GABRB1: variants seen among roughly 807,000 people sequenced by gnomAD.
GABRB1 encodes the protein gamma-aminobutyric acid type A receptor subunit beta1.
In GABRB1, 17 loss-of-function variants were observed where a neutral mutation model predicts 51.6. The observed-to-expected ratio is 0.33, with a 90% CI of 0.23 to 0.49. The LOEUF is 0.49. Among genes scored for constraint, GABRB1 ranks in the 20% least tolerant of loss-of-function variants. The pLI, the probability that GABRB1 is intolerant of heterozygous loss-of-function variation, is 0.99. For missense variants in GABRB1, 410 were observed against 600.6 expected (o/e 0.68, Z 3.32); for synonymous variants, 247 against 218.9 (o/e 1.13, Z -1.14).
chr4:47,338,980 G>A (rs1183340676), intron 5 of GABRB1, among the ~76,000 whole-genome samples: 3 of 152,090 alleles, frequency 2.0e-5, no homozygotes, highest in Non-Finnish European at 4.4e-5. Context: ...GAATCAAACA[G>A]AATGCTAAAA....
intron 4 of GABRB1, among the ~76,000 whole-genome samples, 200 bp downstream of exon 4, chr4:47,161,669 C>G (rs937111198): frequency 1.3e-5 from 2 of 152,024 alleles, no homozygotes; most frequent in Non-Finnish European, 2.9e-5. Flanking sequence ...TCAAAATTAA[C>G]TACCAGTTTT....
intron 4 of GABRB1, among the ~76,000 whole-genome samples, chr4:47,207,826 G>GTAAA (rs1432163921): frequency 6.6e-6 from 1 of 151,960 alleles, no homozygotes; most frequent in African/African-American, 2.4e-5. Flanking sequence ...GGTAACCTAT[G>GTAAA]TAAAGGCATA....
intron 1 of GABRB1, among the ~76,000 whole-genome samples, chr4:47,005,183 C>T (rs1724349775): frequency 6.6e-6 from 1 of 152,204 alleles, no homozygotes; most frequent in Non-Finnish European, 1.5e-5. Context: ...CTTTGGGAGG[C>T]CGAGGCGGGT....
At chr4:47,211,131 G>A (rs1307573401) in intron 4 of GABRB1, among the ~76,000 whole-genome samples, 1 of 152,076 alleles carries the variant, frequency 6.6e-6, no homozygotes, top group Non-Finnish European at 1.5e-5. Context: ...GAACCCACTT[G>A]CCTTTTTATA....
At chr4:47,033,172 T>G (rs1313172696) in intron 3 of GABRB1, among the ~76,000 whole-genome samples, 1 of 152,222 alleles carries the variant, frequency 6.6e-6, no homozygotes, top group Admixed American at 6.5e-5. Context: ...CACCTTACTC[T>G]AGAAACCTAA....
chr4:47,195,452 TAGATTAGATG>T (rs1719637550), intron 4 of GABRB1, among the ~76,000 whole-genome samples: 3 of 96,598 alleles, frequency 3.1e-5, no homozygotes, highest in Admixed American at 1.1e-4. Flanking sequence ...AGATGATAGA[TAGATTAGATG>T]ATAGATAGAT....
Position 47,161,269 on chromosome 4 carries a change from T to C in GABRB1, c.261T>C (p.Tyr87=), listed in dbSNP as rs776928687. The C allele has an allele frequency of 6.2e-7, 1 of 1,608,828 alleles. No homozygotes were observed. The highest frequency in any genetic ancestry group is 1.7e-5 in the Admixed American group (1 of 59,812). ...EVNMDYTLTM[Y]FQQSWKDKRL... is the part of the protein sequence containing the mutation. ...CACAGGATTATACACTCACCATGTA[T>C]TTCCAGCAGTCTTGGAAAGACAAAA... Residue 87 remains tyrosine (Y), a synonymous_variant, in exon 4 of 9, where the codon TAT becomes TAC. Coordinates refer to ENST00000295454, the MANE Select transcript of GABRB1 (RefSeq NM_000812.4).
chr4:47,325,071 C>G (rs373532703), intron 5 of GABRB1, among the ~76,000 whole-genome samples: 1 of 152,224 alleles, frequency 6.6e-6, no homozygotes, highest in Non-Finnish European at 1.5e-5. Flanking sequence ...TTGACTCCCT[C>G]TAACCCAATT....
At chr4:47,215,283 C>A (rs1720511571) in intron 4 of GABRB1, among the ~76,000 whole-genome samples, 1 of 152,056 alleles carries the variant, frequency 6.6e-6, no homozygotes, top group Non-Finnish European at 1.5e-5. Context: ...GTTTATATTG[C>A]TATTGAAAAT....
chr4:47,012,227 A>G (rs1724602583), intron 1 of GABRB1, among the ~76,000 whole-genome samples: 1 of 152,178 alleles, frequency 6.6e-6, no homozygotes, highest in African/African-American at 2.4e-5. Flanking sequence ...TCAGAAGTAC[A>G]TGTGCAGGTT....
At chr4:47,333,856 G>A (rs1725593880) in intron 5 of GABRB1, among the ~76,000 whole-genome samples, 1 of 152,184 alleles carries the variant, frequency 6.6e-6, no homozygotes. Flanking sequence ...GGTACTGGCT[G>A]TACTCATTTG....
intron 4 of GABRB1, among the ~76,000 whole-genome samples, chr4:47,167,512 G>A (rs937210599): frequency 2.6e-5 from 4 of 151,896 alleles, no homozygotes; most frequent in African/African-American, 7.3e-5. Flanking sequence ...TTTACCAGAC[G>A]TGAGCCCAGG....
At chr4:47,344,797 A>C (rs1347786727) in intron 5 of GABRB1, among the ~76,000 whole-genome samples, 1 of 151,868 alleles carries the variant, frequency 6.6e-6, no homozygotes, top group East Asian at 1.9e-4. Context: ...GTCTCAGCTC[A>C]CTCTAACCCC....
At chr4:47,159,918 C>T (rs1479314241) in intron 3 of GABRB1, among the ~76,000 whole-genome samples, 19 of 152,022 alleles carry the variant, frequency 1.2e-4, no homozygotes, top group Non-Finnish European at 2.9e-5. Flanking sequence ...CACAAAGTCA[C>T]TATTGCCATA....
intron 5 of GABRB1, among the ~76,000 whole-genome samples, chr4:47,385,337 C>G (rs776403896): frequency 5.9e-5 from 9 of 152,068 alleles, no homozygotes; most frequent in South Asian, 2.1e-4. Flanking sequence ...GAAGGTTGTA[C>G]CCAGATCTCA....
intron 4 of GABRB1, among the ~76,000 whole-genome samples, chr4:47,168,365 A>T (rs1272078055): frequency 6.6e-6 from 1 of 152,190 alleles, no homozygotes; most frequent in African/African-American, 2.4e-5. Flanking sequence ...CACACATTGC[A>T]TTTGGCTGCT....
intron 4 of GABRB1, among the ~76,000 whole-genome samples, chr4:47,169,822 A>T (rs572057732): frequency 6.6e-6 from 1 of 152,176 alleles, no homozygotes; most frequent in East Asian, 1.9e-4. Flanking sequence ...TTTTAGCCCA[A>T]GTCTTCTCAC....
At chr4:47,124,343 C>G (rs993122298) in intron 3 of GABRB1, among the ~76,000 whole-genome samples, 5 of 152,156 alleles carry the variant, frequency 3.3e-5, no homozygotes, top group Admixed American at 1.3e-4. Context: ...GGAGGCAGTA[C>G]CATTAGCCCC....
At chr4:47,085,198 G>A (rs1454570539) in intron 3 of GABRB1, among the ~76,000 whole-genome samples, 2 of 152,092 alleles carry the variant, frequency 1.3e-5, no homozygotes, top group Non-Finnish European at 2.9e-5. Context: ...TAAACTTTTT[G>A]TTTATTGCCA....
Sources: allele counts gnomAD v4.1 joint callset (sites outside exome capture counted in the v4.1 genomes callset), GRCh38; gene constraint gnomAD v4.1.1; transcripts MANE v1.5; gene names NCBI Gene and HGNC (gene_info 2026-07-23, HGNC 2026-07-21).